The following NAV2 variants were observed in gnomAD, a reference collection of about 807,000 sequenced individuals.
NAV2 encodes the protein helicase, APC down-regulated 1.
NAV2 carries 54 observed loss-of-function variants against 223.2 expected under a neutral mutation model. The observed-to-expected ratio is 0.24, with a 90% CI of 0.19 to 0.30. The LOEUF (loss-of-function observed/expected upper bound fraction) is 0.30. NAV2 is among the 10% of genes least tolerant of loss of function. NAV2 has a pLI of 1.00. For missense variants in NAV2, 2,806 were observed against 3,147.5 expected, an observed-to-expected ratio of 0.89 and a Z score of 2.60; for synonymous variants, 1,279 against 1,239.3, an observed-to-expected ratio of 1.03 and a Z score of -0.67.
rs765713085 is a variant in NAV2 at position 20,083,034 on chromosome 11, G to A, written c.5353G>A (p.Gly1785Arg). ...ACGCAGCTCCTTCAAGCAAGCTTTC[G>A]GGAAGAAGAAGTCCCCAAAATCTGC... ...WLRSSFKQAFGKKKSPKSASS... is the reference protein window; with the variant it reads ...WLRSSFKQAFRKKKSPKSASS... The change falls in exon 26 of 38, where the codon GGG becomes AGG. Residue 1785 changes from glycine (G) to arginine (R), a missense_variant. Around this residue, in one of 4 missense-constraint regions of NAV2, gnomAD observed 824 missense variants for 1,069.4 expected, o/e 0.77. Transcript: ENST00000349880. 7.6e-5 allele frequency: 122 copies of A among 1,613,658 alleles called. No individual in the cohort carries two copies. The highest frequency in any genetic ancestry group is 9.2e-5 in the Non-Finnish European group (108 of 1,179,854).
chr11:19,978,695 C>T (rs1448710475), intron 10 of NAV2: 3 of 146,092 alleles, frequency 2.1e-5, no homozygotes, highest in African/African-American at 2.5e-5. Flanking sequence ...ATTAGAAATG[C>T]ACTCGACTAG....
At chr11:19,860,366 G>T (rs1283803104) in intron 3 of NAV2, among the ~76,000 whole-genome samples, 5 of 147,470 alleles carry the variant, frequency 3.4e-5, no homozygotes, top group African/African-American at 1.3e-4. Context: ...GGGCGGCCGG[G>T]CAGAGACGCT....
chr11:19,541,876 A>G (rs981707393), intron 1 of NAV2, among the ~76,000 whole-genome samples: 2 of 152,200 alleles, frequency 1.3e-5, no homozygotes, highest in East Asian at 1.9e-4. Context: ...CAATTGAAAT[A>G]TGCCTTGCCT....
intron 3 of NAV2, among the ~76,000 whole-genome samples, chr11:19,843,259 A>G (rs2060603629): frequency 6.6e-6 from 1 of 152,182 alleles, no homozygotes; most frequent in Non-Finnish European, 1.5e-5. Flanking sequence ...ACCCACATCA[A>G]TATGTGTTTG....
chr11:19,496,817 TAAAAAAC>T (rs982452877), intron 1 of NAV2, among the ~76,000 whole-genome samples: 6 of 152,162 alleles, frequency 3.9e-5, no homozygotes, highest in African/African-American at 7.2e-5. Context: ...ATGTGATCAC[TAAAAAAC>T]AAAAAACAAA....
chr11:19,978,650 G>GTTTT (rs141841202), intron 10 of NAV2: 1 of 110,810 alleles, frequency 9.0e-6, no homozygotes, highest in African/African-American at 3.1e-5. Flanking sequence ...CATCTGAGAG[G>GTTTT]TTTTTTTTTT....
At chr11:19,866,341 T>A (rs2062091552) in intron 3 of NAV2, among the ~76,000 whole-genome samples, 1 of 152,184 alleles carries the variant, frequency 6.6e-6, no homozygotes, top group African/African-American at 2.4e-5. Context: ...TGCCAGACAT[T>A]GACAAATTGG....
intron 36 of NAV2, among the ~76,000 whole-genome samples, 160 bp downstream of exon 36, chr11:20,107,942 G>C (rs899084843): frequency 6.6e-6 from 1 of 152,084 alleles, no homozygotes; most frequent in African/African-American, 2.4e-5. Flanking sequence ...GACACACCTG[G>C]CTGCAAGTCC....
At chr11:19,903,465 A>G (rs2042611863) in intron 6 of NAV2, among the ~76,000 whole-genome samples, 1 of 152,168 alleles carries the variant, frequency 6.6e-6, no homozygotes, top group African/African-American at 2.4e-5. Context: ...ACAACTGCTG[A>G]TGGAAATCAA....
chr11:19,421,977 G>A (rs1260282314), intron 1 of NAV2, among the ~76,000 whole-genome samples: 1 of 152,080 alleles, frequency 6.6e-6, no homozygotes, highest in Non-Finnish European at 1.5e-5. Context: ...CTGAGCAACA[G>A]GTTTCTTACC....
chr11:19,703,009 G>A (rs1466518037), intron 1 of NAV2, among the ~76,000 whole-genome samples: 2 of 150,966 alleles, frequency 1.3e-5, no homozygotes, highest in Non-Finnish European at 2.9e-5. Context: ...AATTCGACAC[G>A]ATTCCTTCCT....
intron 1 of NAV2, among the ~76,000 whole-genome samples, chr11:19,525,983 C>A (rs2043831330): frequency 6.6e-6 from 1 of 152,084 alleles, no homozygotes; most frequent in Non-Finnish European, 1.5e-5. Flanking sequence ...ATAATGTTCC[C>A]CGCCTCCCTG....
chr11:19,721,642 G>A (rs1464468777), intron 1 of NAV2, among the ~76,000 whole-genome samples: 2 of 152,242 alleles, frequency 1.3e-5, no homozygotes, highest in Non-Finnish European at 2.9e-5. Flanking sequence ...AACCAAATCC[G>A]ATGAGAGATT....
chr11:19,908,525 T>A (rs117314319), intron 6 of NAV2, among the ~76,000 whole-genome samples: 264 of 152,352 alleles, frequency 1.7e-3, no homozygotes, highest in Non-Finnish European at 2.9e-3. Flanking sequence ...ATGATGGAAA[T>A]AGCCTACGCT....
chr11:19,405,912 C>T (rs1399539200), intron 1 of NAV2, among the ~76,000 whole-genome samples: 2 of 152,172 alleles, frequency 1.3e-5, no homozygotes, highest in East Asian at 3.9e-4. Context: ...ATGTCATAGT[C>T]ATCGCCCATA....
chr11:19,412,756 C>T (rs1402764811), intron 1 of NAV2, among the ~76,000 whole-genome samples: 1 of 152,212 alleles, frequency 6.6e-6, no homozygotes, highest in Non-Finnish European at 1.5e-5. Flanking sequence ...TGTTCTGCAG[C>T]CTCTGCTGGT....
In NAV2 at chr11:20,069,413, A is replaced by C. The variant is rs367616871; in HGVS notation, c.4983+1015A>C. Among the ~76,000 whole-genome samples, 84 of 152,276 alleles carry C rather than the reference A, an allele frequency of 5.5e-4. No individual in the cohort carries two copies. In the South Asian group the frequency reaches 0.017, roughly 31 times the overall value. ...CAGTGTCTGAGCTGTTGGGGTGAGC[A>C]TCCGGGCTTCCTCCTGAAGTTAGCA... On this transcript the variant is annotated intron_variant, in intron 22 of 37. Transcript: ENST00000349880.
At chr11:20,092,973 A>ACCCCCCCCCCCCCTCCC in intron 28 of NAV2, 126 bp from the exon 29 acceptor site, 1 of 75,886 alleles carries the variant, frequency 1.3e-5, no homozygotes, top group Non-Finnish European at 2.9e-5. Context: ...CTCTTCCCCT[A>ACCCCCCCCCCCCCTCCC]CCCCCCCACC....
intron 1 of NAV2, among the ~76,000 whole-genome samples, chr11:19,422,399 C>A (rs1157448013): frequency 2.0e-5 from 3 of 152,298 alleles, no homozygotes; most frequent in East Asian, 1.9e-4. Flanking sequence ...AGGCTGCCAG[C>A]CAGTAGGGAG....
Sources: gnomAD v4.1 joint callset for allele counts (sites outside exome capture counted in the v4.1 genomes callset) on GRCh38, gnomAD v4.1.1 for gene constraint, gnomAD v4.1.1 regional missense constraint, MANE v1.5 for transcripts, NCBI Gene and HGNC (gene_info 2026-07-23, HGNC 2026-07-21) for gene names.